The following USP13 variants were observed in gnomAD, a reference collection of about 807,000 sequenced individuals.
USP13 encodes the protein ubiquitin carboxyl-terminal hydrolase 13.
In USP13, 68 loss-of-function variants were observed where a neutral mutation model predicts 107.8. The observed-to-expected ratio is 0.63, with a 90% CI of 0.52 to 0.77. The LOEUF (loss-of-function observed/expected upper bound fraction) is 0.77, where lower values mean the gene tolerates loss of function less well. Ranked by LOEUF, USP13 falls within the 30% of genes least tolerant of loss-of-function variation. The pLI is 0.00. For missense variants in USP13, 945 were observed against 1,093.3 expected (o/e 0.86, Z 1.91); for synonymous variants, 377 against 389.5 (o/e 0.97, Z 0.38).
At chr3:179,696,915 C>T (rs925534550) in intron 3 of USP13, among the ~76,000 whole-genome samples, 2 of 152,008 alleles carry the variant, frequency 1.3e-5, no homozygotes, top group East Asian at 1.9e-4. Context: ...AATAAAGCTA[C>T]AGATATGCAT....
chr3:179,710,920 C>T lies in USP13; in HGVS notation c.805+1963C>T, dbSNP rs535712402. ...TGGTATAAAAGATAGAAAATGGTCACCTGTACAGGGCACTTACCGTGAATG... is the reference window on the plus strand; with the variant it reads ...TGGTATAAAAGATAGAAAATGGTCATCTGTACAGGGCACTTACCGTGAATG... On this transcript the variant is annotated intron_variant, in intron 6 of 20. Coordinates refer to ENST00000263966, the MANE Select transcript of USP13 (RefSeq NM_003940.3). Among the ~76,000 whole-genome samples, 4 of 152,278 alleles carry T rather than the reference C, an allele frequency of 2.6e-5. No individual in the cohort carries two copies. In the South Asian group the frequency reaches 8.3e-4, roughly 32 times the overall value.
chr3:179,722,738 A>G (rs1713369201), intron 8 of USP13, among the ~76,000 whole-genome samples: 1 of 152,170 alleles, frequency 6.6e-6, no homozygotes, highest in Non-Finnish European at 1.5e-5. Context: ...GATCTTGTTC[A>G]TTCTACTTAT....
chr3:179,754,915 T>G (rs1304697101), intron 15 of USP13, 61 bp downstream of exon 15: 23 of 1,516,984 alleles, frequency 1.5e-5, no homozygotes, highest in Non-Finnish European at 2.0e-5. Flanking sequence ...AGGAACAGTC[T>G]CTTTCTTCCA....
intron 6 of USP13, among the ~76,000 whole-genome samples, chr3:179,715,124 C>G (rs979010540): frequency 3.3e-5 from 5 of 151,852 alleles, no homozygotes; most frequent in African/African-American, 1.2e-4. Context: ...TCAAGTGATC[C>G]TCCTGCCTTA....
chr3:179,668,970 T>C (rs1451120645), intron 1 of USP13, among the ~76,000 whole-genome samples: 1 of 152,208 alleles, frequency 6.6e-6, no homozygotes, highest in Non-Finnish European at 1.5e-5. Flanking sequence ...ATGTCTTTCA[T>C]TCGGACATGG....
Position 179,744,918 on chromosome 3 carries a change from A to G in USP13, c.1535-125A>G, listed in dbSNP as rs142051472. The G allele has an allele frequency of 1.8e-3, 2,084 of 1,181,852 alleles. 23 individuals are homozygous for G. In the African/African-American group the frequency reaches 0.027, roughly 15 times the overall value. The allele number at this position is 1,181,852 out of a possible 1,614,324, so 73.2% of individuals were successfully genotyped here. A position where few individuals can be genotyped will look rare whatever the true frequency, so the allele number is the denominator to read the frequency against. On this transcript the variant is annotated intron_variant, in intron 12 of 20. Transcript: ENST00000263966. ...TCAGCAGGGGCATCTGGCTCTGTAAAGGGCGACAAATAAGCAACTCTGGCC... is the reference window on the plus strand; with the variant it reads ...TCAGCAGGGGCATCTGGCTCTGTAAGGGGCGACAAATAAGCAACTCTGGCC...
At chr3:179,695,184 A>G (rs1712249408) in intron 3 of USP13, among the ~76,000 whole-genome samples, 1 of 152,232 alleles carries the variant, frequency 6.6e-6, no homozygotes, top group Non-Finnish European at 1.5e-5. Flanking sequence ...GCTAGGAAGT[A>G]CTATTTCACT....
chr3:179,745,435 A>G (rs1255932549), intron 13 of USP13, among the ~76,000 whole-genome samples: 1 of 151,888 alleles, frequency 6.6e-6, no homozygotes, highest in Non-Finnish European at 1.5e-5. Context: ...CGTGCTAAGG[A>G]GGGGTTTTCT....
chr3:179,685,465 A>G (rs2108458196), intron 2 of USP13, among the ~76,000 whole-genome samples: 2 of 152,274 alleles, frequency 1.3e-5, no homozygotes, highest in African/African-American at 4.8e-5. Context: ...AAGAGAATGA[A>G]GAAAGGCCAG....
chr3:179,705,611 C>CT (rs1304308190), intron 4 of USP13, among the ~76,000 whole-genome samples: 7 of 152,166 alleles, frequency 4.6e-5, no homozygotes, highest in Admixed American at 4.6e-4. Flanking sequence ...ATATTTCATT[C>CT]TTTTTTATTG....
At chr3:179,762,407 C>G (rs1372502441) in intron 17 of USP13, among the ~76,000 whole-genome samples, 1 of 152,130 alleles carries the variant, frequency 6.6e-6, no homozygotes, top group African/African-American at 2.4e-5. Context: ...ATGGTGAAAC[C>G]CCATCTCTAT....
intron 12 of USP13, among the ~76,000 whole-genome samples, chr3:179,744,350 TTTTTG>T (rs1560071689): frequency 7.7e-6 from 1 of 130,260 alleles, no homozygotes; most frequent in African/African-American, 2.6e-5. Flanking sequence ...TCTGTTTTTT[TTTTTG>T]TTTTGTTTTG....
intron 8 of USP13, among the ~76,000 whole-genome samples, chr3:179,723,938 A>G (rs1168962624): frequency 6.6e-6 from 1 of 151,874 alleles, no homozygotes; most frequent in Non-Finnish European, 1.5e-5. Flanking sequence ...GGATTACTTG[A>G]AACCAGGAGT....
intron 16 of USP13, among the ~76,000 whole-genome samples, chr3:179,758,979 A>G (rs1714909710): frequency 6.6e-6 from 1 of 151,184 alleles, no homozygotes; most frequent in Admixed American, 6.6e-5. Flanking sequence ...CAAAAATGGA[A>G]TTACACATTT....
At chr3:179,728,240 G>A (rs895254503) in intron 8 of USP13, among the ~76,000 whole-genome samples, 4 of 149,804 alleles carry the variant, frequency 2.7e-5, no homozygotes, top group East Asian at 2.0e-4. Context: ...TGGCTGCCGG[G>A]CAGAGACGCT....
intron 12 of USP13, among the ~76,000 whole-genome samples, chr3:179,744,385 A>G (rs995443381): frequency 1.7e-5 from 2 of 119,106 alleles, no homozygotes; most frequent in Admixed American, 8.3e-5. Flanking sequence ...GCCTTTGGTT[A>G]TTTTATTTTA....
chr3:179,744,354 T>G (rs1005725049), intron 12 of USP13, among the ~76,000 whole-genome samples: 4 of 139,044 alleles, frequency 2.9e-5, no homozygotes, highest in African/African-American at 9.4e-5. Flanking sequence ...TTTTTTTTTT[T>G]GTTTTGTTTT....
intron 15 of USP13, 135 bp from the exon 16 acceptor site, chr3:179,756,917 G>C: frequency 1.2e-6 from 1 of 830,930 alleles, no homozygotes; most frequent in East Asian, 2.4e-5. Flanking sequence ...GCGTGTGGTT[G>C]AGGGATTGAC....
At chr3:179,668,416 G>A (rs1270524407) in intron 1 of USP13, among the ~76,000 whole-genome samples, 2 of 152,164 alleles carry the variant, frequency 1.3e-5, no homozygotes, top group African/African-American at 2.4e-5. Context: ...TTCCTACTTA[G>A]TTTATGTGAA....
Sources: gnomAD v4.1 joint callset for allele counts (sites outside exome capture counted in the v4.1 genomes callset) on GRCh38, gnomAD v4.1.1 for gene constraint, MANE v1.5 for transcripts, NCBI Gene and HGNC (gene_info 2026-07-23, HGNC 2026-07-21) for gene names.